Variants in RIMS1 observed in about 807,000 individuals in gnomAD.
RIMS1 encodes regulating synaptic membrane exocytosis 1.
RIMS1 carries 83 observed loss-of-function variants against 214.1 expected under a neutral mutation model. The ratio of observed to expected loss-of-function variants is 0.39; its 90% confidence interval spans 0.32 to 0.47. RIMS1 has a LOEUF of 0.47. Ranked by LOEUF, RIMS1 falls within the 20% of genes least tolerant of loss-of-function variation. RIMS1 has a pLI of 0.99. For missense variants in RIMS1, 2,050 were observed against 2,161.8 expected (o/e 0.95, Z 1.03); for synonymous variants, 793 against 786.8 (o/e 1.01, Z -0.13).
chr6:72,390,861 T>G, intron 30 of RIMS1, 125 bp downstream of exon 30: 1 of 1,137,790 alleles, frequency 8.8e-7, no homozygotes, highest in African/African-American at 1.5e-5. Context: ...AACCATCCAT[T>G]TTAAACCACC....
chr6:72,087,810 A>G (rs1413377569), intron 2 of RIMS1, among the ~76,000 whole-genome samples: 1 of 152,188 alleles, frequency 6.6e-6, no homozygotes, highest in Admixed American at 6.5e-5. Flanking sequence ...ATCCCACTAT[A>G]AAATTTCCAT....
chr6:71,999,120 A>G (rs1804352421), intron 2 of RIMS1, among the ~76,000 whole-genome samples: 1 of 152,130 alleles, frequency 6.6e-6, no homozygotes, highest in African/African-American at 2.4e-5. Flanking sequence ...ATTTTAAGAT[A>G]GATTATAACT....
intron 4 of RIMS1, among the ~76,000 whole-genome samples, chr6:72,148,287 C>T (rs1477641279): frequency 6.6e-6 from 1 of 152,142 alleles, no homozygotes; most frequent in Middle Eastern, 3.4e-3. Context: ...AAGAGAAGTA[C>T]AGACTGAAGA....
chr6:72,005,835 A>C (rs1236708418), intron 2 of RIMS1, among the ~76,000 whole-genome samples: 2 of 152,254 alleles, frequency 1.3e-5, no homozygotes, highest in East Asian at 3.8e-4. Flanking sequence ...TATGGTTCAG[A>C]AACCAAGTAA....
intron 27 of RIMS1, among the ~76,000 whole-genome samples, chr6:72,313,100 G>T (rs1039703849): frequency 2.0e-5 from 3 of 152,016 alleles, no homozygotes; most frequent in Non-Finnish European, 2.9e-5. Flanking sequence ...TGAATTTTTT[G>T]ATTAGGAATG....
chr6:72,375,455 G>T (rs1425540462), intron 29 of RIMS1, among the ~76,000 whole-genome samples: 1 of 151,700 alleles, frequency 6.6e-6, no homozygotes, highest in Non-Finnish European at 1.5e-5. Flanking sequence ...ATTTCCTCTA[G>T]AATAGGTATG....
At chr6:72,172,054 A>T (rs996217873) in intron 4 of RIMS1, among the ~76,000 whole-genome samples, 4 of 152,104 alleles carry the variant, frequency 2.6e-5, no homozygotes, top group Non-Finnish European at 4.4e-5. Context: ...CAAAATTAAT[A>T]AAAAAACTAT....
At chr6:72,222,003 C>T (rs1445557877) in intron 6 of RIMS1, among the ~76,000 whole-genome samples, 1 of 151,912 alleles carries the variant, frequency 6.6e-6, no homozygotes, top group South Asian at 2.1e-4. Flanking sequence ...AACATATTTA[C>T]TGTCTTTGTG....
rs913498189 is a variant in RIMS1 at position 72,001,041 on chromosome 6, C to T, written c.245+31978C>T. On this transcript the variant is annotated intron_variant, in intron 2 of 33. Transcript: ENST00000521978. ...ACACCTGTAAAAAAATTCATAAATT[C>T]ATATTCTCTGCTTCTAGTCACTGTT... is the stretch of plus-strand genomic sequence containing the variant. Among the ~76,000 whole-genome samples, 3 of 152,050 alleles carry T rather than the reference C, an allele frequency of 2.0e-5. No individual in the cohort carries two copies. The South Asian group carries it at 6.2e-4, about 32-fold the overall frequency.
At chr6:72,336,795 A>G (rs2096858905) in intron 29 of RIMS1, among the ~76,000 whole-genome samples, 1 of 151,818 alleles carries the variant, frequency 6.6e-6, no homozygotes, top group Admixed American at 6.6e-5. Context: ...TCTTTGTTTT[A>G]GTGCATAGCC....
intron 6 of RIMS1, among the ~76,000 whole-genome samples, chr6:72,222,652 A>G (rs948150184): frequency 3.9e-5 from 6 of 152,188 alleles, no homozygotes; most frequent in Non-Finnish European, 8.8e-5. Flanking sequence ...GCTTATTGTT[A>G]TGATTATTGC....
rs77544248 is a variant in RIMS1, at chr6:72,322,866, G to C, written c.4130+9194G>C. Among the ~76,000 whole-genome samples, 327 of 152,154 alleles carry C rather than the reference G, an allele frequency of 2.1e-3. 4 individuals are homozygous for C. Among genetic ancestry groups the C allele is most frequent in the African/African-American group, 7.1e-3 (294 of 41,534 alleles). The stretch of plus-strand genomic sequence containing the variant: ...AAACTGGAAATTGTGAGGGTGGAAG[G>C]CTTCAAATTTTGCTATAGAATTCCT... On this transcript the variant is annotated intron_variant, in intron 28 of 33. Transcript: ENST00000521978.
chr6:71,922,623 G>T (rs1780352230), intron 1 of RIMS1, among the ~76,000 whole-genome samples: 1 of 152,104 alleles, frequency 6.6e-6, no homozygotes, highest in South Asian at 2.1e-4. Flanking sequence ...CCTTTTTATG[G>T]CTGAATAACA....
Position 72,183,037 on chromosome 6 carries a change from C to T in RIMS1, c.1566C>T (p.Gly522=), listed in dbSNP as rs757167379. ...CCAAGCCGCACCGGTCCAAGAGAGG[C>T]GGCAAGAAGCGGCAGATGTCGGTGA... is the stretch of plus-strand genomic sequence containing the variant. ...SPPKPHRSKR[G]GKKRQMSVSS... The change falls in exon 6 of 34, where the codon GGC becomes GGT. Residue 522 remains glycine (G), a synonymous_variant. Coordinates refer to ENST00000521978, the MANE Select transcript of RIMS1 (RefSeq NM_014989.7). 43 of 1,598,762 alleles carry T rather than the reference C, an allele frequency of 2.7e-5. No homozygotes were observed. The South Asian group carries it at 4.5e-4, about 17-fold the overall frequency.
chr6:71,937,221 T>C (rs910000379), intron 1 of RIMS1, among the ~76,000 whole-genome samples: 67 of 152,292 alleles, frequency 4.4e-4, no homozygotes, highest in Middle Eastern at 3.4e-3. Context: ...AATAGAAATG[T>C]ATTTGGCTTA....
At chr6:72,164,943 AAT>A (rs2046047366) in intron 4 of RIMS1, among the ~76,000 whole-genome samples, 1 of 152,194 alleles carries the variant, frequency 6.6e-6, no homozygotes, top group Non-Finnish European at 1.5e-5. Flanking sequence ...CCCAACTCCA[AAT>A]ATATTTCAGA....
At chr6:72,307,452 A>C (rs917265599) in intron 27 of RIMS1, 82 bp downstream of exon 27, 6 of 873,682 alleles carry the variant, frequency 6.9e-6, no homozygotes, top group Non-Finnish European at 1.1e-5. Context: ...AAAGCACCGA[A>C]TTATATAAGA....
intron 4 of RIMS1, among the ~76,000 whole-genome samples, chr6:72,128,641 G>GA (rs1358057772): frequency 6.6e-6 from 1 of 152,092 alleles, no homozygotes; most frequent in East Asian, 1.9e-4. Flanking sequence ...CTATTGTACA[G>GA]AAAAAATAAG....
At chr6:71,921,646 G>A (rs1780019350) in intron 1 of RIMS1, among the ~76,000 whole-genome samples, 1 of 152,174 alleles carries the variant, frequency 6.6e-6, no homozygotes, top group Non-Finnish European at 1.5e-5. Context: ...ATGAAAAAGA[G>A]ATGACAAGTT....
Sources: gnomAD v4.1 joint callset for allele counts (sites outside exome capture counted in the v4.1 genomes callset) on GRCh38, gnomAD v4.1.1 for gene constraint, MANE v1.5 for transcripts, NCBI Gene and HGNC (gene_info 2026-07-23, HGNC 2026-07-21) for gene names.